Variants in CPNE8 observed in about 807,000 individuals in gnomAD.
The protein encoded by CPNE8 is copine 8, also known as copine-8.
CPNE8 carries 45 observed loss-of-function variants against 81.5 expected under a neutral mutation model. The observed-to-expected ratio is 0.55, with a 90% CI of 0.44 to 0.71. CPNE8 has a LOEUF of 0.71. Ranked by LOEUF, CPNE8 falls within the 30% of genes least tolerant of loss-of-function variation. CPNE8 has a pLI of 0.00. For synonymous variants in CPNE8, 252 were observed against 226.3 expected, an observed-to-expected ratio of 1.11 and a Z score of -1.02; for missense variants, 594 against 672.1, an observed-to-expected ratio of 0.88 and a Z score of 1.28.
At chr12:38,667,461 T>C (rs1939082940) in intron 19 of CPNE8, among the ~76,000 whole-genome samples, 1 of 152,184 alleles carries the variant, frequency 6.6e-6, no homozygotes. Context: ...GAGGTGCCAA[T>C]TCTTTTACAC....
At chr12:38,789,155 G>A (rs553076053) in intron 6 of CPNE8, among the ~76,000 whole-genome samples, 1 of 151,878 alleles carries the variant, frequency 6.6e-6, no homozygotes, top group South Asian at 2.1e-4. Flanking sequence ...ACTATCCTAA[G>A]CAAAAAGAAC....
chr12:38,679,633 C>T (rs966594563), intron 16 of CPNE8: 7 of 984,896 alleles, frequency 7.1e-6, no homozygotes, highest in South Asian at 4.7e-5. Context: ...TTCGGCACCA[C>T]AAATTAATCT....
chr12:38,708,403 A>T (rs1017006077), intron 13 of CPNE8, among the ~76,000 whole-genome samples: 1 of 152,104 alleles, frequency 6.6e-6, no homozygotes, highest in Non-Finnish European at 1.5e-5. Flanking sequence ...TTTATATAAG[A>T]TTACTCCTGA....
intron 1 of CPNE8, among the ~76,000 whole-genome samples, chr12:38,902,374 A>G (rs1347336965): frequency 4.4e-5 from 4 of 91,802 alleles, no homozygotes; most frequent in Admixed American, 4.3e-4. Context: ...GAAAGAAAGA[A>G]AGAAAGAAAA....
chr12:38,792,986 C>T (rs1271872109), intron 6 of CPNE8, among the ~76,000 whole-genome samples: 2 of 151,792 alleles, frequency 1.3e-5, no homozygotes, highest in African/African-American at 2.4e-5. Context: ...CAAAAAACTA[C>T]ATGATCATCT....
At chr12:38,705,074 T>C (rs147099733) in intron 13 of CPNE8, among the ~76,000 whole-genome samples, 2,131 of 151,620 alleles carry the variant, frequency 0.014, 20 homozygotes, top group Admixed American at 0.019. Flanking sequence ...CTATAAATAC[T>C]GTAATAACCT....
chr12:38,861,221 C>T (rs1406789172), intron 3 of CPNE8, among the ~76,000 whole-genome samples: 3 of 152,034 alleles, frequency 2.0e-5, no homozygotes, highest in African/African-American at 7.2e-5. Context: ...GTGGGTGCCA[C>T]TGGCTGGGCG....
intron 6 of CPNE8, among the ~76,000 whole-genome samples, chr12:38,803,741 A>C (rs1437366514): frequency 1.4e-5 from 2 of 147,122 alleles, no homozygotes; most frequent in Non-Finnish European, 3.0e-5. Flanking sequence ...AGACGACATG[A>C]TTGTTTATCT....
chr12:38,893,601 T>C lies in CPNE8; in HGVS notation c.98+11836A>G, dbSNP rs1305605796. ...TGGGTTAGCCCTTCTTTTATTCCTTTACTTTCTTAATAAACTTGCTTTCAC... is the reference window on the plus strand; with the variant it reads ...TGGGTTAGCCCTTCTTTTATTCCTTCACTTTCTTAATAAACTTGCTTTCAC... On this transcript the variant is annotated intron_variant, in intron 1 of 19. Coordinates refer to ENST00000331366, the MANE Select transcript of CPNE8 (RefSeq NM_153634.3). 2.0e-5 allele frequency among the ~76,000 whole-genome samples: 3 copies of C among 152,208 alleles called. No homozygotes were observed. In the East Asian group the frequency reaches 5.8e-4, roughly 29 times the overall value.
At chr12:38,766,041 G>A (rs978745752) in intron 8 of CPNE8, among the ~76,000 whole-genome samples, 1 of 152,008 alleles carries the variant, frequency 6.6e-6, no homozygotes, top group Non-Finnish European at 1.5e-5. Context: ...TGTATTTTTA[G>A]TAGAGACAGG....
chr12:38,736,948 C>T (rs574596019), intron 10 of CPNE8, among the ~76,000 whole-genome samples: 1 of 152,096 alleles, frequency 6.6e-6, no homozygotes, highest in Admixed American at 6.6e-5. Context: ...TGTCCAGTTT[C>T]ACGGATTTTA....
At chr12:38,759,105 G>A (rs1308445072) in intron 10 of CPNE8, among the ~76,000 whole-genome samples, 1 of 152,138 alleles carries the variant, frequency 6.6e-6, no homozygotes, top group Admixed American at 6.5e-5. Flanking sequence ...TTAGAGACAA[G>A]TTCTATTTAG....
At chr12:38,698,823 A>G (rs2136682602) in intron 14 of CPNE8, among the ~76,000 whole-genome samples, 1 of 152,304 alleles carries the variant, frequency 6.6e-6, no homozygotes, top group Non-Finnish European at 1.5e-5. Context: ...AAAAGTGAGA[A>G]ATGTTGACTC....
chr12:38,756,370 T>TA (rs1328012893), intron 10 of CPNE8, among the ~76,000 whole-genome samples: 2 of 151,314 alleles, frequency 1.3e-5, no homozygotes, highest in African/African-American at 4.9e-5. Context: ...TTTTTTTTTT[T>TA]TAGACAGGGG....
intron 10 of CPNE8, among the ~76,000 whole-genome samples, chr12:38,743,137 A>G (rs1941148102): frequency 6.6e-6 from 1 of 152,086 alleles, no homozygotes; most frequent in Non-Finnish European, 1.5e-5. Context: ...AATATTAATC[A>G]TAGAATTATA....
intron 6 of CPNE8, among the ~76,000 whole-genome samples, chr12:38,781,296 G>A (rs927271991): frequency 6.6e-6 from 1 of 151,826 alleles, no homozygotes; most frequent in East Asian, 1.9e-4. Context: ...AAACCTAGAG[G>A]AATAGTTACT....
At chr12:38,744,520 T>C (rs1212568446) in intron 10 of CPNE8, among the ~76,000 whole-genome samples, 5 of 152,220 alleles carry the variant, frequency 3.3e-5, no homozygotes, top group Admixed American at 6.5e-5. Flanking sequence ...TTTAGAATTA[T>C]GTTTTACATC....
chr12:38,867,259 A>G (rs1285821940), intron 3 of CPNE8, among the ~76,000 whole-genome samples: 1 of 151,560 alleles, frequency 6.6e-6, no homozygotes, highest in Non-Finnish European at 1.5e-5. Flanking sequence ...AAGACATGTA[A>G]GAGAGTAAGT....
intron 10 of CPNE8, among the ~76,000 whole-genome samples, chr12:38,749,139 A>G (rs1335844247): frequency 6.6e-6 from 1 of 152,084 alleles, no homozygotes; most frequent in Non-Finnish European, 1.5e-5. Context: ...GTGATAGTGA[A>G]TAAGTCTCAC....
Sources: allele counts gnomAD v4.1 joint callset (sites outside exome capture counted in the v4.1 genomes callset), GRCh38; gene constraint gnomAD v4.1.1; transcripts MANE v1.5; gene names NCBI Gene and HGNC (gene_info 2026-07-23, HGNC 2026-07-21).